NEDD9: variants seen among roughly 807,000 people sequenced by gnomAD.
The protein encoded by NEDD9 is neural precursor cell expressed, developmentally down-regulated 9, also known as enhancer of filamentation 1.
In NEDD9, 26 loss-of-function variants were observed where a neutral mutation model predicts 76.6. The observed-to-expected ratio is 0.34, with a 90% CI of 0.25 to 0.47. The LOEUF (loss-of-function observed/expected upper bound fraction) is 0.47. NEDD9 is among the 20% of genes least tolerant of loss of function. The probability of loss-of-function intolerance (pLI) is 1.00; values close to 1 mark genes in which losing one functional copy is unlikely to be tolerated. For synonymous variants in NEDD9, 392 were observed against 414.2 expected (o/e 0.95, Z 0.65); for missense variants, 937 against 1,058.5 (o/e 0.89, Z 1.59).
At chr6:11,199,293 T>C (rs915112607) in intron 2 of NEDD9, 2 of 152,176 alleles carry the variant, frequency 1.3e-5, no homozygotes, top group African/African-American at 2.4e-5. Context: ...GGGAAGTAAT[T>C]GACAAACAGA....
chr6:11,221,007 G>A (rs1024327365), intron 1 of NEDD9, among the ~76,000 whole-genome samples: 2 of 152,152 alleles, frequency 1.3e-5, no homozygotes, highest in Non-Finnish European at 2.9e-5. Context: ...CCTGGCCCAC[G>A]GTGGAAGATG....
intron 1 of NEDD9, among the ~76,000 whole-genome samples, chr6:11,351,820 A>G (rs958078798): frequency 6.6e-6 from 1 of 152,160 alleles, no homozygotes; most frequent in African/African-American, 2.4e-5. Context: ...ATGCGTTTGT[A>G]TGTTCTTCTC....
At chr6:11,343,542 T>C (rs1762313211) in intron 1 of NEDD9, among the ~76,000 whole-genome samples, 1 of 152,234 alleles carries the variant, frequency 6.6e-6, no homozygotes, top group Non-Finnish European at 1.5e-5. Flanking sequence ...ACACTGGATA[T>C]TTTTGTCTTG....
intron 1 of NEDD9, among the ~76,000 whole-genome samples, chr6:11,380,645 A>G (rs1044444583): frequency 1.3e-5 from 2 of 151,414 alleles, no homozygotes; most frequent in African/African-American, 4.9e-5. Flanking sequence ...AGATGCTTAA[A>G]TGTTTGCTAT....
At chr6:11,287,141 A>T (rs1051972038) in intron 3 of NEDD9, among the ~76,000 whole-genome samples, 2 of 152,176 alleles carry the variant, frequency 1.3e-5, no homozygotes, top group Non-Finnish European at 2.9e-5. Context: ...AAAGAAGCCA[A>T]GTAGGCTGGG....
chr6:11,336,986 T>C (rs1762173839), intron 1 of NEDD9, among the ~76,000 whole-genome samples: 1 of 152,122 alleles, frequency 6.6e-6, no homozygotes, highest in African/African-American at 2.4e-5. Flanking sequence ...TTTGGGAGGC[T>C]GAGGCAGGCG....
chr6:11,337,608 A>G (rs188924750), intron 1 of NEDD9, among the ~76,000 whole-genome samples: 1 of 152,332 alleles, frequency 6.6e-6, no homozygotes, highest in African/African-American at 2.4e-5. Context: ...CACTTAGTGC[A>G]TGCCTGCATT....
At chr6:11,200,840 C>T (rs1328285195) in intron 2 of NEDD9, 17 of 1,531,048 alleles carry the variant, frequency 1.1e-5, no homozygotes, top group South Asian at 2.6e-5. Flanking sequence ...GCTCAAGACA[C>T]GCCAATGGGA....
At chr6:11,219,789 C>T (rs531425757) in intron 1 of NEDD9, among the ~76,000 whole-genome samples, 1 of 152,336 alleles carries the variant, frequency 6.6e-6, no homozygotes, top group East Asian at 1.9e-4. Context: ...TCCTTCCCAC[C>T]ATCACCTTTG....
intron 1 of NEDD9, among the ~76,000 whole-genome samples, chr6:11,228,681 C>T (rs1050342491): frequency 2.0e-5 from 3 of 152,108 alleles, no homozygotes; most frequent in Non-Finnish European, 4.4e-5. Context: ...GCATGTTACG[C>T]ACTGTACAAC....
chr6:11,307,395 G>T (rs1761218182), intron 2 of NEDD9, among the ~76,000 whole-genome samples: 1 of 152,146 alleles, frequency 6.6e-6, no homozygotes, highest in African/African-American at 2.4e-5. Flanking sequence ...AGGGGACACA[G>T]GCCCATGACT....
intron 2 of NEDD9, among the ~76,000 whole-genome samples, chr6:11,331,960 C>T (rs1403071436): frequency 1.3e-5 from 2 of 152,172 alleles, no homozygotes; most frequent in East Asian, 3.8e-4. Flanking sequence ...TAAACTGATC[C>T]GCTCTAAGTC....
chr6:11,360,336 G>A (rs1481321230), intron 1 of NEDD9, among the ~76,000 whole-genome samples: 3 of 152,234 alleles, frequency 2.0e-5, no homozygotes, highest in African/African-American at 7.2e-5. Context: ...AGGAATTTAA[G>A]GAGAGTCTTA....
intron 3 of NEDD9, among the ~76,000 whole-genome samples, chr6:11,295,895 AGGTGTGT>A (rs1196700313): frequency 2.6e-5 from 4 of 152,212 alleles, no homozygotes; most frequent in African/African-American, 9.6e-5. Context: ...CACCCACGTT[AGGTGTGT>A]GATGGACTGA....
intron 1 of NEDD9, among the ~76,000 whole-genome samples, chr6:11,221,226 A>G (rs1450349706): frequency 6.6e-6 from 1 of 152,070 alleles, no homozygotes; most frequent in Non-Finnish European, 1.5e-5. Flanking sequence ...CTACTAAAAT[A>G]CAAAAAATTA....
In NEDD9 at chr6:11,190,030, AG is replaced by A; in HGVS notation, c.1838del (p.Pro613LeufsTer42). On this transcript the variant is annotated frameshift_variant, in exon 5 of 7. Transcript: ENST00000379446. LOFTEE classifies it high-confidence loss of function. The surrounding 1 kb of genome is among the most constrained non-coding windows in gnomAD (Gnocchi z 5.8). ...CAGAACCATCACTGCTGCTACAGTC[AG>A]GGGCCTGCTCCTTGCTCAGGCCTGG... ...LPPGLSKEQA[P>X]DCSSSDGSER... 6.4e-7 allele frequency: 1 copy of A among 1,552,026 alleles called. No individual in the cohort carries two copies. The highest frequency in any genetic ancestry group is 8.7e-7 in the Non-Finnish European group (1 of 1,150,238).
At chr6:11,234,382 A>G (rs889555751), upstream of NEDD9, among the ~76,000 whole-genome samples, 3 of 152,244 alleles carry the variant, frequency 2.0e-5, no homozygotes, top group Non-Finnish European at 4.4e-5. Context: ...AGATCTAGAT[A>G]ACATTCCTTT....
intron 1 of NEDD9, among the ~76,000 whole-genome samples, chr6:11,360,633 C>G (rs1762663602): frequency 6.6e-6 from 1 of 152,186 alleles, no homozygotes. Flanking sequence ...TGAGCTTTCT[C>G]CCCTTTCACC....
chr6:11,284,080 C>T (rs568257320), intron 3 of NEDD9, among the ~76,000 whole-genome samples: 1 of 152,194 alleles, frequency 6.6e-6, no homozygotes, highest in South Asian at 2.1e-4. Context: ...ACAATCTCCT[C>T]CAGGGTTTTA....
Sources: gnomAD v4.1 joint callset for allele counts (sites outside exome capture counted in the v4.1 genomes callset) on GRCh38, gnomAD v4.1.1 for gene constraint, Gnocchi (gnomAD v3.1) non-coding constraint, MANE v1.5 for transcripts, NCBI Gene and HGNC (gene_info 2026-07-23, HGNC 2026-07-21) for gene names.